STAC: variants seen among roughly 807,000 people sequenced by gnomAD.
The protein encoded by STAC is SH3 and cysteine-rich domain-containing protein.
Under a neutral mutation model 48.8 loss-of-function variants are expected in STAC, and 43 were observed. That is an observed-to-expected ratio of 0.88 (90% CI 0.69 to 1.14). The LOEUF is 1.14. Among genes scored for constraint, STAC ranks in the 50% most tolerant of loss-of-function variants. The pLI is 0.00. For missense variants in STAC, 497 were observed against 504.0 expected, an observed-to-expected ratio of 0.99 and a Z score of 0.13; for synonymous variants, 193 against 179.5, an observed-to-expected ratio of 1.07 and a Z score of -0.60.
At chr3:36,504,563 C>T (rs1698354374) in intron 7 of STAC, 106 bp downstream of exon 7, 1 of 865,364 alleles carries the variant, frequency 1.2e-6, no homozygotes. Flanking sequence ...TCCAGACCAG[C>T]ATCTTTAGAG....
At chr3:36,465,664 G>A (rs1043068997) in intron 2 of STAC, among the ~76,000 whole-genome samples, 6 of 151,966 alleles carry the variant, frequency 3.9e-5, no homozygotes, top group Non-Finnish European at 7.4e-5. Context: ...ATGATCACAA[G>A]GTCCCACAAC....
intron 10 of STAC, among the ~76,000 whole-genome samples, chr3:36,529,979 G>A (rs748849591): frequency 6.6e-6 from 1 of 152,146 alleles, no homozygotes; most frequent in Non-Finnish European, 1.5e-5. Flanking sequence ...AATTAGCTGG[G>A]CGTGGTGGCA....
intron 4 of STAC, 83 bp downstream of exon 4, chr3:36,485,141 AAC>A (rs1404195962): frequency 7.8e-6 from 9 of 1,152,182 alleles, no homozygotes; most frequent in Non-Finnish European, 1.1e-5. Flanking sequence ...ATGGCTGCAA[AAC>A]CCGTGGGGTA....
chr3:36,482,096 C>T (rs778143555), intron 2 of STAC, among the ~76,000 whole-genome samples: 27 of 152,140 alleles, frequency 1.8e-4, no homozygotes, highest in Non-Finnish European at 3.8e-4. Context: ...TTGAGACTTG[C>T]CTGGGAACCT....
chr3:36,478,014 T>C (rs1697537900), intron 2 of STAC, among the ~76,000 whole-genome samples: 4 of 152,248 alleles, frequency 2.6e-5, no homozygotes, highest in Admixed American at 2.6e-4. Context: ...CGTCCCAGAT[T>C]CGCGTCTGAA....
chr3:36,464,622 A>G (rs1038443773), intron 2 of STAC, among the ~76,000 whole-genome samples: 5 of 151,940 alleles, frequency 3.3e-5, no homozygotes, highest in Admixed American at 3.3e-4. Context: ...CCGAAGTCCA[A>G]TGTATCTTTC....
chr3:36,450,995 T>C (rs756051007), intron 2 of STAC, among the ~76,000 whole-genome samples: 16 of 152,256 alleles, frequency 1.1e-4, no homozygotes, highest in Non-Finnish European at 1.2e-4. Flanking sequence ...AATTTGTTTT[T>C]AGATTTCTTT....
intron 8 of STAC, among the ~76,000 whole-genome samples, chr3:36,515,658 A>G (rs1260027800): frequency 2.7e-5 from 4 of 150,914 alleles, no homozygotes; most frequent in Non-Finnish European, 4.5e-5. Flanking sequence ...TGCATTTTAC[A>G]TAAGATATGA....
At chr3:36,503,396 T>C (rs976669173) in intron 6 of STAC, among the ~76,000 whole-genome samples, 3 of 152,074 alleles carry the variant, frequency 2.0e-5, no homozygotes, top group Non-Finnish European at 1.5e-5. Flanking sequence ...CAATGAAAAC[T>C]CTTGCTCATT....
At chr3:36,519,242 C>G (rs538556159) in intron 8 of STAC, among the ~76,000 whole-genome samples, 1 of 152,342 alleles carries the variant, frequency 6.6e-6, no homozygotes, top group South Asian at 2.1e-4. Context: ...ATTTAGATAA[C>G]TACATTAATT....
intron 1 of STAC, among the ~76,000 whole-genome samples, chr3:36,389,739 T>TTG (rs1291831758): frequency 6.6e-6 from 1 of 152,156 alleles, no homozygotes; most frequent in East Asian, 1.9e-4. Flanking sequence ...TCAAATCCCA[T>TTG]TGTGCCAGTT....
intron 1 of STAC, among the ~76,000 whole-genome samples, chr3:36,410,635 G>C (rs941085133): frequency 6.6e-6 from 1 of 152,134 alleles, no homozygotes; most frequent in South Asian, 2.1e-4. Context: ...AAGGATATCC[G>C]TTCTTTTTGC....
chr3:36,523,424 A>C (rs1190567640), intron 8 of STAC, among the ~76,000 whole-genome samples: 1 of 152,244 alleles, frequency 6.6e-6, no homozygotes, highest in Non-Finnish European at 1.5e-5. Flanking sequence ...ACAATTGTGG[A>C]TTACAATGTA....
intron 10 of STAC, among the ~76,000 whole-genome samples, chr3:36,536,160 T>C (rs1313412564): frequency 1.3e-5 from 2 of 152,144 alleles, no homozygotes; most frequent in African/African-American, 4.8e-5. Flanking sequence ...GTGATTGGTC[T>C]ATTCAGGGAT....
At chr3:36,458,065 T>C (rs1203308797) in intron 2 of STAC, among the ~76,000 whole-genome samples, 1 of 151,960 alleles carries the variant, frequency 6.6e-6, no homozygotes, top group East Asian at 1.9e-4. Context: ...GAGCAAGGAG[T>C]GGGGAACATA....
At chr3:36,508,649 T>A (rs909962054) in intron 8 of STAC, among the ~76,000 whole-genome samples, 1 of 152,230 alleles carries the variant, frequency 6.6e-6, no homozygotes. Context: ...TCTGGTGGCA[T>A]TGACCCCTTT....
chr3:36,422,835 T>G (rs1181521632), intron 1 of STAC, among the ~76,000 whole-genome samples: 4 of 152,146 alleles, frequency 2.6e-5, no homozygotes, highest in African/African-American at 9.6e-5. Flanking sequence ...TACCAGCCAA[T>G]GGTATTTGTG....
At position 36,500,549 on chromosome 3, in the gene STAC, AT is replaced by A. The variant is rs539503595; in HGVS notation, c.767-3843del. ...TAGATACAGCAAACCACCATGGCACATGTTTACATGTGTAACAAACCTGCAC... is the reference window on the plus strand; with the variant it reads ...TAGATACAGCAAACCACCATGGCACAGTTTACATGTGTAACAAACCTGCAC... On this transcript the variant is annotated intron_variant, in intron 6 of 10. Transcript: ENST00000273183. 2.2e-3 allele frequency among the ~76,000 whole-genome samples: 330 copies of A among 152,292 alleles called. 4 individuals are homozygous for A. Among genetic ancestry groups the A allele is most frequent in the Admixed American group, 0.019 (289 of 15,292 alleles).
At chr3:36,426,088 T>C (rs958369413) in intron 1 of STAC, among the ~76,000 whole-genome samples, 1 of 152,092 alleles carries the variant, frequency 6.6e-6, no homozygotes, top group Non-Finnish European at 1.5e-5. Flanking sequence ...TTTCAGATAA[T>C]GTATTACTGG....
Sources: allele counts gnomAD v4.1 joint callset (sites outside exome capture counted in the v4.1 genomes callset), GRCh38; gene constraint gnomAD v4.1.1; transcripts MANE v1.5; gene names NCBI Gene and HGNC (gene_info 2026-07-23, HGNC 2026-07-21).